The following PIK3CB variants were observed in gnomAD, a reference collection of about 807,000 sequenced individuals.
The protein encoded by PIK3CB is phosphatidylinositol-4,5-bisphosphate 3-kinase catalytic subunit beta.
PIK3CB carries 39 observed loss-of-function variants against 136.8 expected under a neutral mutation model. That is an observed-to-expected ratio of 0.29 (90% CI 0.22 to 0.37). The LOEUF is 0.37. Among genes scored for constraint, PIK3CB ranks in the 10% least tolerant of loss-of-function variants. PIK3CB has a pLI of 1.00. For synonymous variants in PIK3CB, 428 were observed against 436.6 expected, an observed-to-expected ratio of 0.98 and a Z score of 0.25; for missense variants, 868 against 1,275.4, an observed-to-expected ratio of 0.68 and a Z score of 4.87.
chr3:138,689,091 G>A, intron 15 of PIK3CB, 117 bp from the exon 16 acceptor site: 1 of 645,776 alleles, frequency 1.5e-6, no homozygotes, highest in Non-Finnish European at 2.8e-6. Context: ...GTCATTGTGT[G>A]CATTATTATT....
chr3:138,658,481 C>G (rs1475449011), intron 21 of PIK3CB, among the ~76,000 whole-genome samples: 1 of 152,018 alleles, frequency 6.6e-6, no homozygotes. Context: ...AAAGTACATC[C>G]TTGCCCTACT....
intron 2 of PIK3CB, among the ~76,000 whole-genome samples, chr3:138,769,041 G>A (rs1380037061): frequency 1.3e-5 from 2 of 152,086 alleles, no homozygotes; most frequent in African/African-American, 2.4e-5. Flanking sequence ...AGGAGGCCCG[G>A]GTCTGCACCC....
At chr3:138,699,192 T>C (rs1217948709) in intron 12 of PIK3CB, 97 bp from the exon 13 acceptor site, 3 of 362,056 alleles carry the variant, frequency 8.3e-6, no homozygotes, top group Non-Finnish European at 9.4e-6. Context: ...TAAATGAACC[T>C]AAGTATGTGA....
At chr3:138,692,254 G>A (rs2044025716) in intron 14 of PIK3CB, among the ~76,000 whole-genome samples, 1 of 152,134 alleles carries the variant, frequency 6.6e-6, no homozygotes, top group African/African-American at 2.4e-5. Flanking sequence ...GTAGTCTAAG[G>A]CAGATATCTG....
chr3:138,695,924 T>C (rs866808096), intron 13 of PIK3CB, among the ~76,000 whole-genome samples: 2 of 132,840 alleles, frequency 1.5e-5, no homozygotes, highest in Middle Eastern at 3.7e-3. Flanking sequence ...CCCAGCTAAT[T>C]TTTTGTATTT....
rs9869474 is a variant in PIK3CB at position 138,659,464 on chromosome 3, C to T, written c.2797-1629G>A. The stretch of plus-strand genomic sequence containing the variant: ...CCCAGGAGGCGGAGGCTGCAGTGAG[C>T]CGGGATCACGCCACTGCACTCCAGC... On this transcript the variant is annotated intron_variant, in intron 21 of 23. Transcript: ENST00000674063. Among the ~76,000 whole-genome samples the T allele has an allele frequency of 8.8e-3, 1,330 of 151,936 alleles. 6 individuals are homozygous for T. Among genetic ancestry groups the T allele is most frequent in the Non-Finnish European group, 0.014 (951 of 67,968 alleles).
chr3:138,778,853 C>T (rs1315489904), intron 2 of PIK3CB: 1 of 180,754 alleles, frequency 5.5e-6, no homozygotes, highest in Non-Finnish European at 1.2e-5. Context: ...AAGAGAGAGG[C>T]CCTCAGCTGC....
chr3:138,804,273 G>A (rs2046206896), intron 1 of PIK3CB, among the ~76,000 whole-genome samples: 1 of 152,144 alleles, frequency 6.6e-6, no homozygotes, highest in Non-Finnish European at 1.5e-5. Context: ...TAGCACTTTG[G>A]GAGGCCAAGG....
At chr3:138,700,271 T>A (rs965457998) in intron 12 of PIK3CB, among the ~76,000 whole-genome samples, 1 of 151,814 alleles carries the variant, frequency 6.6e-6, no homozygotes, top group Non-Finnish European at 1.5e-5. Flanking sequence ...CATCCATCCA[T>A]CCCTACATAC....
chr3:138,733,636 T>C (rs2045037924), intron 7 of PIK3CB, among the ~76,000 whole-genome samples, 198 bp from the exon 8 acceptor site: 1 of 152,122 alleles, frequency 6.6e-6, no homozygotes, highest in Non-Finnish European at 1.5e-5. Context: ...CCCAGCACTT[T>C]GGGAGGCTGA....
rs148398266 is a variant in PIK3CB at position 138,718,799 on chromosome 3, G to A, written c.1051-4080C>T. On this transcript the variant is annotated intron_variant, in intron 8 of 23. Coordinates refer to ENST00000674063, the MANE Select transcript of PIK3CB (RefSeq NM_006219.3). ...ATCCCAGCACCATTTATTGAATAGG[G>A]AGTCTTTTCCCCACTGCTTGTTTTT... is the stretch of plus-strand genomic sequence containing the variant. Among the ~76,000 whole-genome samples, 5 of 152,290 alleles carry A rather than the reference G, an allele frequency of 3.3e-5. No individual in the cohort carries two copies. The East Asian group carries it at 5.8e-4, about 18-fold the overall frequency.
At chr3:138,737,411 A>G (rs1411169739) in intron 6 of PIK3CB, among the ~76,000 whole-genome samples, 1 of 147,264 alleles carries the variant, frequency 6.8e-6, no homozygotes, top group East Asian at 1.9e-4. Context: ...AAAAAAAAAA[A>G]AAAAAAAAAA....
intron 2 of PIK3CB, among the ~76,000 whole-genome samples, chr3:138,788,997 A>AAAAAAAAAAC (rs1559879235): frequency 1.5e-4 from 23 of 150,190 alleles, no homozygotes; most frequent in African/African-American, 5.7e-4. Flanking sequence ...AAAAAACAAA[A>AAAAAAAAAAC]AACAACACCA....
At chr3:138,786,473 T>G (rs147201670) in intron 2 of PIK3CB, among the ~76,000 whole-genome samples, 111 of 152,050 alleles carry the variant, frequency 7.3e-4, no homozygotes, top group African/African-American at 2.6e-3. Flanking sequence ...GCCTCCTGAG[T>G]AGCTGGGATT....
chr3:138,705,178 AAAC>A (rs1181697815), intron 11 of PIK3CB, among the ~76,000 whole-genome samples: 4 of 86,716 alleles, frequency 4.6e-5, no homozygotes, highest in African/African-American at 1.8e-4. Flanking sequence ...AAAAAACAAA[AAAC>A]AAAACAAACA....
chr3:138,808,340 C>T (rs1324055617), intron 1 of PIK3CB, among the ~76,000 whole-genome samples: 1 of 151,966 alleles, frequency 6.6e-6, no homozygotes, highest in Non-Finnish European at 1.5e-5. Flanking sequence ...ACCTATAAAA[C>T]ATTTAGAAGG....
chr3:138,802,933 T>C (rs909291209), intron 1 of PIK3CB, among the ~76,000 whole-genome samples: 1 of 152,176 alleles, frequency 6.6e-6, no homozygotes, highest in South Asian at 2.1e-4. Context: ...AAGGTGTATG[T>C]GAATAAAGCG....
chr3:138,771,223 CTTTTT>C (rs34387538), intron 2 of PIK3CB, among the ~76,000 whole-genome samples: 1 of 129,838 alleles, frequency 7.7e-6, no homozygotes, highest in Non-Finnish European at 1.6e-5. Flanking sequence ...TTCATTTTGC[CTTTTT>C]TTTTTTTTTT....
chr3:138,670,163 T>C (rs1227813803), intron 19 of PIK3CB, among the ~76,000 whole-genome samples: 2 of 152,230 alleles, frequency 1.3e-5, no homozygotes, highest in Non-Finnish European at 2.9e-5. Context: ...CTTCATTTGA[T>C]GCTAAATGTG....
Sources: gnomAD v4.1 joint callset for allele counts (sites outside exome capture counted in the v4.1 genomes callset) on GRCh38, gnomAD v4.1.1 for gene constraint, MANE v1.5 for transcripts, NCBI Gene and HGNC (gene_info 2026-07-23, HGNC 2026-07-21) for gene names.